The following FGF14 variants were observed in gnomAD, a reference collection of about 807,000 sequenced individuals.
The protein encoded by FGF14 is fibroblast growth factor 14.
Under a neutral mutation model 25.5 loss-of-function variants are expected in FGF14, and 5 were observed. That is an observed-to-expected ratio of 0.20 (90% CI 0.10 to 0.41). The LOEUF is 0.41. FGF14 is among the 10% of genes least tolerant of loss of function. The pLI is 1.00. For missense variants in FGF14, 222 were observed against 320.1 expected (o/e 0.69, Z 2.34); for synonymous variants, 138 against 118.3 (o/e 1.17, Z -1.08).
chr13:102,264,509 A>G (rs764649527), intron 1 of FGF14, among the ~76,000 whole-genome samples: 2 of 152,158 alleles, frequency 1.3e-5, no homozygotes, highest in Admixed American at 6.6e-5. Context: ...TACAAACCAA[A>G]TAAGTCTAAG....
At position 101,959,068 on chromosome 13, in the gene FGF14, C is replaced by T. The variant is rs373853774; in HGVS notation, c.209-83772G>A. 3.6e-4 allele frequency among the ~76,000 whole-genome samples: 55 copies of T among 152,280 alleles called. 1 individual carries two copies. Among genetic ancestry groups the T allele is most frequent in the African/African-American group, 1.2e-3 (51 of 41,560 alleles). On this transcript the variant is annotated intron_variant, in intron 1 of 4. Coordinates refer to the FGF14 transcript ENST00000376131. ...TTCAATCTTCTAATGCAGCAGATGA[C>T]TTCAGGATGACTGTTTCACTGCAGA... is the stretch of plus-strand genomic sequence containing the variant.
At chr13:101,934,367 G>C (rs757174286) in intron 1 of FGF14, among the ~76,000 whole-genome samples, 1 of 152,108 alleles carries the variant, frequency 6.6e-6, no homozygotes, top group South Asian at 2.1e-4. Context: ...AGACACAAAA[G>C]AGCACAATCG....
chr13:102,254,656 G>A lies in FGF14; in HGVS notation c.208+146815C>T, dbSNP rs573202944. Among the ~76,000 whole-genome samples the A allele has an allele frequency of 8.5e-5, 13 of 152,296 alleles. No individual in the cohort carries two copies. In the South Asian group the frequency reaches 2.7e-3, roughly 32 times the overall value. ...AACTTTTGACATTTGGGGGGCTAAA[G>A]AATTCTGTGATGGGGAGCTGTCATG... On this transcript the variant is annotated intron_variant, in intron 1 of 4. Transcript: ENST00000376131.
chr13:102,198,960 C>T (rs186792976), intron 1 of FGF14, among the ~76,000 whole-genome samples: 2 of 152,206 alleles, frequency 1.3e-5, no homozygotes, highest in African/African-American at 4.8e-5. Context: ...TCAGTGAAAC[C>T]CCCAATATCC....
intron 1 of FGF14, among the ~76,000 whole-genome samples, chr13:102,227,100 T>C (rs1046239891): frequency 1.3e-5 from 2 of 152,178 alleles, no homozygotes; most frequent in African/African-American, 4.8e-5. Context: ...CCCAGTTTAA[T>C]ATTTAATGGA....
intron 1 of FGF14, among the ~76,000 whole-genome samples, chr13:102,196,804 C>T (rs1201859501): frequency 2.6e-5 from 4 of 152,144 alleles, no homozygotes; most frequent in Non-Finnish European, 5.9e-5. Flanking sequence ...CTACCAGAAA[C>T]TTTGTACCGT....
intron 1 of FGF14, among the ~76,000 whole-genome samples, chr13:101,956,370 T>C (rs567575174): frequency 6.6e-6 from 1 of 152,238 alleles, no homozygotes; most frequent in South Asian, 2.1e-4. Flanking sequence ...ACTATCGTAT[T>C]ATAGTGGTGA....
At chr13:101,869,527 G>C (rs972404353) in intron 2 of FGF14, among the ~76,000 whole-genome samples, 5 of 152,130 alleles carry the variant, frequency 3.3e-5, no homozygotes, top group African/African-American at 1.2e-4. Flanking sequence ...TCCCTTTAAT[G>C]TATTTCCATG....
intron 1 of FGF14, among the ~76,000 whole-genome samples, chr13:102,007,747 G>A (rs868427743): frequency 2.0e-4 from 30 of 152,310 alleles, no homozygotes; most frequent in Middle Eastern, 6.8e-3. Context: ...ATCACAGGGG[G>A]TTATTAACTT....
intron 1 of FGF14, among the ~76,000 whole-genome samples, chr13:102,081,315 TA>T (rs1201470531): frequency 6.6e-6 from 1 of 152,198 alleles, no homozygotes; most frequent in African/African-American, 2.4e-5. Flanking sequence ...CTGAGGTGTT[TA>T]AGAATGTATC....
intron 1 of FGF14, among the ~76,000 whole-genome samples, chr13:101,971,340 A>G (rs2037577687): frequency 6.6e-6 from 1 of 151,892 alleles, no homozygotes; most frequent in African/African-American, 2.4e-5. Flanking sequence ...CATACCAGGT[A>G]CATAAATTAT....
At chr13:102,122,181 A>G (rs2045756253) in intron 1 of FGF14, among the ~76,000 whole-genome samples, 1 of 152,210 alleles carries the variant, frequency 6.6e-6, no homozygotes, top group Non-Finnish European at 1.5e-5. Context: ...CAACACACTG[A>G]AGATTTCTAT....
chr13:102,387,002 C>A (rs891387413), intron 1 of FGF14, among the ~76,000 whole-genome samples: 1 of 152,190 alleles, frequency 6.6e-6, no homozygotes, highest in Non-Finnish European at 1.5e-5. Context: ...CTATCACCAC[C>A]TAAAATGGAC....
intron 1 of FGF14, among the ~76,000 whole-genome samples, chr13:102,033,917 G>A (rs1316764583): frequency 2.0e-5 from 3 of 152,078 alleles, no homozygotes; most frequent in Non-Finnish European, 2.9e-5. Flanking sequence ...ATTGCATGGT[G>A]TCAGAACGCT....
chr13:101,776,262 A>G lies in FGF14; in HGVS notation c.409-49452T>C, dbSNP rs2039096708. Among the ~76,000 whole-genome samples the G allele has an allele frequency of 2.6e-5, 4 of 152,290 alleles. No homozygotes were observed. The South Asian group carries it at 8.3e-4, about 32-fold the overall frequency. ...AGCTAATCAGCCAGAACGTGAAGCTATTAAAATTTAGAACTGTCCTCTGGA... is the reference window on the plus strand; with the variant it reads ...AGCTAATCAGCCAGAACGTGAAGCTGTTAAAATTTAGAACTGTCCTCTGGA... On this transcript the variant is annotated intron_variant, in intron 3 of 4. Transcript: ENST00000376143.
At chr13:102,056,542 C>A (rs911529581) in intron 1 of FGF14, among the ~76,000 whole-genome samples, 1 of 152,112 alleles carries the variant, frequency 6.6e-6, no homozygotes, top group Non-Finnish European at 1.5e-5. Context: ...GTGCTAAGTG[C>A]CCATTTTCCT....
At chr13:102,004,974 T>G (rs2039704748) in intron 1 of FGF14, among the ~76,000 whole-genome samples, 1 of 152,222 alleles carries the variant, frequency 6.6e-6, no homozygotes, top group Admixed American at 6.5e-5. Context: ...CTTTCCTTTA[T>G]AAATTACCCA....
intron 3 of FGF14, among the ~76,000 whole-genome samples, chr13:101,807,011 C>A (rs1371598813): frequency 6.6e-6 from 1 of 151,878 alleles, no homozygotes; most frequent in African/African-American, 2.4e-5. Flanking sequence ...TAACATAGCA[C>A]ACTAAATTTA....
At chr13:101,809,532 T>C (rs942755885) in intron 3 of FGF14, among the ~76,000 whole-genome samples, 1 of 152,162 alleles carries the variant, frequency 6.6e-6, no homozygotes, top group African/African-American at 2.4e-5. Context: ...CACAGTGGAC[T>C]ATTACCAATT....
Sources: allele counts gnomAD v4.1 joint callset (sites outside exome capture counted in the v4.1 genomes callset), GRCh38; gene constraint gnomAD v4.1.1; transcripts MANE v1.5; gene names NCBI Gene and HGNC (gene_info 2026-07-23, HGNC 2026-07-21).